Variants in ITGAV observed in about 807,000 individuals in gnomAD.
ITGAV encodes the protein integrin alpha-V.
ITGAV carries 76 observed loss-of-function variants against 143.8 expected under a neutral mutation model. The observed-to-expected ratio is 0.53, with a 90% CI of 0.44 to 0.64. ITGAV has a LOEUF of 0.64. ITGAV is among the 30% of genes least tolerant of loss of function. The probability of loss-of-function intolerance (pLI) is 0.00; values close to 1 mark genes in which losing one functional copy is unlikely to be tolerated. For missense variants in ITGAV, 1,193 were observed against 1,274.7 expected (o/e 0.94, Z 0.98); for synonymous variants, 453 against 446.7 (o/e 1.01, Z -0.18).
At chr2:186,619,136 G>A (rs1158597110) in intron 2 of ITGAV, among the ~76,000 whole-genome samples, 2 of 149,524 alleles carry the variant, frequency 1.3e-5, no homozygotes, top group Non-Finnish European at 3.0e-5. Context: ...TATTTAGTGT[G>A]TACATATATT....
intron 1 of ITGAV, among the ~76,000 whole-genome samples, chr2:186,596,766 G>A (rs1291772623): frequency 1.3e-5 from 2 of 151,928 alleles, no homozygotes; most frequent in Admixed American, 1.3e-4. Context: ...AGTTTTCTAT[G>A]CAAGTATTTC....
Position 186,667,687 on chromosome 2 carries a change from C to G in ITGAV, c.2344C>G (p.His782Asp), listed in dbSNP as rs1327658996. The G allele has an allele frequency of 1.2e-6, 2 of 1,603,544 alleles. No homozygotes were observed. The highest frequency in any genetic ancestry group is 2.2e-5 in the South Asian group (2 of 90,506). The part of the protein sequence containing the change: ...VEIRGVSSPD[H>D]VFLPIPNWEH... ...ATTGTTTAGAGTCTCGAGTCCTGATCATGTCTTTCTTCCGATTCCAAACTG... is the reference window on the plus strand; with the variant it reads ...ATTGTTTAGAGTCTCGAGTCCTGATGATGTCTTTCTTCCGATTCCAAACTG... The change falls in exon 24 of 30, where the codon CAT becomes GAT. Residue 782 changes from histidine (H) to aspartate (D), a missense_variant. By Grantham distance (81) the His-to-Asp change is moderately conservative. Coordinates refer to ENST00000261023, the MANE Select transcript of ITGAV (RefSeq NM_002210.5).
chr2:186,607,878 A>G (rs1394707988), intron 2 of ITGAV, among the ~76,000 whole-genome samples: 1 of 152,164 alleles, frequency 6.6e-6, no homozygotes, highest in Non-Finnish European at 1.5e-5. Flanking sequence ...GGGAGAAACT[A>G]TAAATAGACT....
intron 15 of ITGAV, 31 bp from the exon 16 acceptor site, chr2:186,654,619 G>A (rs756005093): frequency 1.7e-6 from 2 of 1,182,562 alleles, no homozygotes; most frequent in South Asian, 1.3e-5. Context: ...CTGAATTATA[G>A]AATTTATGTA....
At chr2:186,659,855 T>C (rs1574496525) in intron 18 of ITGAV, among the ~76,000 whole-genome samples, 1 of 151,894 alleles carries the variant, frequency 6.6e-6, no homozygotes, top group South Asian at 2.1e-4. Flanking sequence ...AAAAGTCTTT[T>C]CTAATTTTTA....
chr2:186,598,887 G>A (rs1559037240), intron 1 of ITGAV, among the ~76,000 whole-genome samples: 1 of 152,168 alleles, frequency 6.6e-6, no homozygotes, highest in Non-Finnish European at 1.5e-5. Context: ...TTGGTTGGGA[G>A]TTACGTCTTT....
Position 186,666,832 on chromosome 2 carries a change from T to A in ITGAV, c.2246+49T>A, listed in dbSNP as rs370935416. The A allele has an allele frequency of 3.3e-5, 33 of 1,007,064 alleles. No homozygotes were observed. The African/African-American group carries it at 5.4e-4, about 16-fold the overall frequency. The allele number at this position is 1,007,064 out of a possible 1,614,324, so 62.4% of individuals were successfully genotyped here. A position where few individuals can be genotyped will look rare whatever the true frequency, so the allele number is the denominator to read the frequency against. On this transcript the variant is annotated intron_variant, in intron 22 of 29. Transcript: ENST00000261023. ...TTATAACTATCAAATAAATATTATTTGTTGTAAATATACTATGTAATATAC... is the reference window on the plus strand; with the variant it reads ...TTATAACTATCAAATAAATATTATTAGTTGTAAATATACTATGTAATATAC...
intron 4 of ITGAV, among the ~76,000 whole-genome samples, chr2:186,629,269 T>A (rs907160009): frequency 6.6e-6 from 1 of 152,084 alleles, no homozygotes; most frequent in African/African-American, 2.4e-5. Flanking sequence ...ATATACCTGT[T>A]AAGAAAATTT....
At chr2:186,592,084 T>C (rs972097414) in intron 1 of ITGAV, among the ~76,000 whole-genome samples, 2 of 152,206 alleles carry the variant, frequency 1.3e-5, no homozygotes, top group African/African-American at 4.8e-5. Context: ...ATGTGAGATA[T>C]AATTTGTAGA....
intron 1 of ITGAV, chr2:186,600,267 T>C: frequency 4.4e-5 from 63 of 1,421,950 alleles, no homozygotes; most frequent in Non-Finnish European, 6.0e-5. Context: ...GCCTCACATA[T>C]TCCCTCCATC....
chr2:186,639,226 A>G (rs995690268), intron 10 of ITGAV, among the ~76,000 whole-genome samples: 1 of 152,224 alleles, frequency 6.6e-6, no homozygotes, highest in Non-Finnish European at 1.5e-5. Flanking sequence ...ATTATACCAT[A>G]AGTTGGTAAT....
chr2:186,644,784 A>C (rs531420156), intron 12 of ITGAV, among the ~76,000 whole-genome samples: 38 of 152,114 alleles, frequency 2.5e-4, no homozygotes, highest in African/African-American at 8.2e-4. Context: ...CATGTCTTTA[A>C]GAAACTCAGC....
intron 24 of ITGAV, 41 bp downstream of exon 24, chr2:186,667,817 C>A: frequency 1.5e-6 from 2 of 1,304,404 alleles, no homozygotes; most frequent in African/African-American, 1.5e-5. Flanking sequence ...CGTGAGCAAG[C>A]CAACGAAGAG....
intron 12 of ITGAV, among the ~76,000 whole-genome samples, chr2:186,645,865 G>A (rs140837318): frequency 0.014 from 2,162 of 152,158 alleles, 23 homozygotes; most frequent in Middle Eastern, 0.024. Context: ...CTAGCTAATC[G>A]GGAGGCTAAG....
chr2:186,612,848 CCTTCCCTTGT>C (rs1183528065), intron 2 of ITGAV, among the ~76,000 whole-genome samples: 2 of 152,000 alleles, frequency 1.3e-5, no homozygotes, highest in East Asian at 3.9e-4. Flanking sequence ...AAGTAGTTTC[CCTTCCCTTGT>C]TAATACAAAA....
chr2:186,659,158 G>C lies in ITGAV; in HGVS notation c.1840G>C (p.Ala614Pro). The C allele has an allele frequency of 6.2e-7, 1 of 1,604,872 alleles. No individual in the cohort carries two copies. Among genetic ancestry groups the C allele is most frequent in the African/African-American group, 1.3e-5 (1 of 74,634 alleles). Residue 614 changes from alanine to proline, a missense_variant, in exon 18 of 30, where the codon GCT becomes CCT. Coordinates refer to ENST00000261023, the MANE Select transcript of ITGAV (RefSeq NM_002210.5). ...ACCCATTCTTAACCAGTTCACGCCT[G>C]CTAACATTAGTCGACAGGTACTGTA... ...LQPILNQFTP[A>P]NISRQAHILL...
Position 186,677,188 on chromosome 2 carries a change from A to C in ITGAV, c.3052-9A>C. On this transcript the variant is annotated splice_polypyrimidine_tract_variant and intron_variant, in intron 29 of 29. Coordinates refer to ENST00000261023, the MANE Select transcript of ITGAV (RefSeq NM_002210.5). ...GTGACAGTAATAATGGTTTTTCTTCAACTGACAGATGGGCTTTTTTAAACG... is the reference window on the plus strand; with the variant it reads ...GTGACAGTAATAATGGTTTTTCTTCCACTGACAGATGGGCTTTTTTAAACG... 1 of 1,612,416 alleles carries C rather than the reference A, an allele frequency of 6.2e-7. No individual in the cohort carries two copies. The highest frequency in any genetic ancestry group is 8.5e-7 in the Non-Finnish European group (1 of 1,178,736).
chr2:186,594,384 A>G (rs1686692427), intron 1 of ITGAV, among the ~76,000 whole-genome samples: 1 of 152,054 alleles, frequency 6.6e-6, no homozygotes, highest in Non-Finnish European at 1.5e-5. Flanking sequence ...CACCACCTTA[A>G]TATCAGTCAG....
At chr2:186,636,597 T>G (rs969845877) in intron 7 of ITGAV, among the ~76,000 whole-genome samples, 1 of 152,254 alleles carries the variant, frequency 6.6e-6, no homozygotes, top group Non-Finnish European at 1.5e-5. Context: ...GTCACTCGCT[T>G]GTAACTTGCT....
Sources: gnomAD v4.1 joint callset for allele counts (sites outside exome capture counted in the v4.1 genomes callset) on GRCh38, gnomAD v4.1.1 for gene constraint, MANE v1.5 for transcripts, NCBI Gene and HGNC (gene_info 2026-07-23, HGNC 2026-07-21) for gene names.